Variants in PTPA observed in about 807,000 individuals in gnomAD.
The protein encoded by PTPA is protein phosphatase 2 phosphatase activator.
In PTPA, 13 loss-of-function variants were observed where a neutral mutation model predicts 43.6. The ratio of observed to expected loss-of-function variants is 0.30; its 90% CI spans 0.19 to 0.47. The LOEUF (loss-of-function observed/expected upper bound fraction) is 0.47, where lower values mean the gene tolerates loss of function less well. PTPA is among the 20% of genes least tolerant of loss of function. PTPA has a pLI of 0.99. For missense variants in PTPA, 329 were observed against 411.9 expected (o/e 0.80, Z 1.74); for synonymous variants, 172 against 158.2 (o/e 1.09, Z -0.66).
In PTPA at chr9:129,147,884, G is replaced by A. The variant is rs371991766; in HGVS notation, c.*420G>A. ...TTCCTGGAGTCGATGCCTTTCTAAGGGTTGGAGCTGCTCCTTGCAGGGGCG... is the reference window on the plus strand; with the variant it reads ...TTCCTGGAGTCGATGCCTTTCTAAGAGTTGGAGCTGCTCCTTGCAGGGGCG... On this transcript the variant is annotated 3_prime_UTR_variant, in exon 10 of 10. Transcript: ENST00000393370. The A allele has an allele frequency of 1.4e-4, 25 of 183,062 alleles. No homozygotes were observed. Among genetic ancestry groups the A allele is most frequent in the African/African-American group, 5.7e-4 (24 of 42,114 alleles). 11.3% of individuals were successfully genotyped at this position (183,062 alleles called of 1,614,324 possible).
intron 9 of PTPA, among the ~76,000 whole-genome samples, chr9:129,147,106 C>T (rs1446989970): frequency 6.6e-6 from 1 of 152,168 alleles, no homozygotes; most frequent in Non-Finnish European, 1.5e-5. Context: ...CCCAACTTCC[C>T]TCTCTGGGCC....
At chr9:129,145,469 C>G (rs1001057520) in intron 9 of PTPA, among the ~76,000 whole-genome samples, 2 of 152,330 alleles carry the variant, frequency 1.3e-5, no homozygotes, top group African/African-American at 4.8e-5. Context: ...AAGGAGAGGG[C>G]TTGTTTTCTC....
At chr9:129,111,270 G>T, upstream of PTPA, 1 of 1,195,592 alleles carries the variant, frequency 8.4e-7, no homozygotes, top group Non-Finnish European at 1.0e-6. Context: ...GGCGCCCGAC[G>T]TTCGGGCGGC....
intron 8 of PTPA, among the ~76,000 whole-genome samples, chr9:129,140,746 C>T (rs1850738978): frequency 1.4e-5 from 2 of 138,800 alleles, no homozygotes; most frequent in Admixed American, 7.4e-5. Context: ...CTTTCCTGGG[C>T]CTGGAAGTGT....
At chr9:129,131,410 A>C in intron 4 of PTPA, 112 bp from the exon 5 acceptor site, 1 of 868,914 alleles carries the variant, frequency 1.2e-6, no homozygotes, top group South Asian at 1.5e-5. Flanking sequence ...ACAGGAACCA[A>C]GCTGGCCTGG....
At chr9:129,142,618 C>T (rs1850963007) in intron 9 of PTPA, 66 bp downstream of exon 9, 1 of 1,598,984 alleles carries the variant, frequency 6.3e-7, no homozygotes. Flanking sequence ...GGGGACAAAG[C>T]AAAAGATGTG....
At chr9:129,135,196 C>A (rs7030543) in intron 6 of PTPA, among the ~76,000 whole-genome samples, 1 of 152,068 alleles carries the variant, frequency 6.6e-6, no homozygotes, top group African/African-American at 2.4e-5. Context: ...TGTTCGACAC[C>A]AGCCTGGCCA....
intron 5 of PTPA, among the ~76,000 whole-genome samples, chr9:129,133,454 A>C (rs925859492): frequency 6.6e-6 from 1 of 152,148 alleles, no homozygotes; most frequent in Non-Finnish European, 1.5e-5. Context: ...AAGGAAACTG[A>C]GCTCACAAGC....
At position 129,116,394 on chromosome 9, in the gene PTPA, T is replaced by TC. The variant is rs1474526036; in HGVS notation, c.32-4119_32-4118insC. Among the ~76,000 whole-genome samples the TC allele has an allele frequency of 2.8e-3, 389 of 140,274 alleles. 6 individuals are homozygous for TC. Among genetic ancestry groups the TC allele is most frequent in the African/African-American group, 0.01 (368 of 36,748 alleles). 92.0% of individuals were successfully genotyped at this position (140,274 alleles called of 152,430 possible). A position where few individuals can be genotyped will look rare whatever the true frequency, so the allele number is the denominator to read the frequency against. ...GTAGAGACAGGGTTTCTTTTTTTTT[T>TC]TTTTTTTTTTGAGACGGAGTCTCGC... On this transcript the variant is annotated intron_variant, in intron 1 of 9. Transcript: ENST00000393370.
intron 8 of PTPA, among the ~76,000 whole-genome samples, chr9:129,138,578 A>T (rs7870913): frequency 6.6e-6 from 1 of 152,062 alleles, no homozygotes; most frequent in African/African-American, 2.4e-5. Flanking sequence ...AGGGTTTGAG[A>T]GTTCTATCCC....
chr9:129,125,261 T>G (rs1438278775), intron 3 of PTPA, among the ~76,000 whole-genome samples: 1 of 151,342 alleles, frequency 6.6e-6, no homozygotes, highest in African/African-American at 2.4e-5. Flanking sequence ...AAGCAGGTAT[T>G]GTCTTTTTTT....
intron 9 of PTPA, among the ~76,000 whole-genome samples, chr9:129,143,869 G>A (rs1851091894): frequency 6.6e-6 from 1 of 151,724 alleles, no homozygotes; most frequent in Admixed American, 6.6e-5. Context: ...ACCCCCGCCT[G>A]TCCCACAGTG....
At chr9:129,126,263 G>A (rs943428346) in intron 3 of PTPA, among the ~76,000 whole-genome samples, 4 of 151,280 alleles carry the variant, frequency 2.6e-5, no homozygotes, top group Admixed American at 6.6e-5. Flanking sequence ...GTACGATCTC[G>A]GCTCACCACA....
chr9:129,140,254 C>G (rs192341757), intron 8 of PTPA: 1 of 152,792 alleles, frequency 6.5e-6, no homozygotes, highest in East Asian at 1.9e-4. Context: ...TTCTCTTCTC[C>G]CTTTGTGGCT....
chr9:129,147,834 A>G lies in PTPA; in HGVS notation c.*370A>G. 1 of 234,660 alleles carries G rather than the reference A, an allele frequency of 4.3e-6. No individual in the cohort carries two copies. The highest frequency in any genetic ancestry group is 5.4e-5 in the South Asian group (1 of 18,480). 14.5% of individuals were successfully genotyped at this position (234,660 alleles called of 1,614,324 possible). A position where few individuals can be genotyped will look rare whatever the true frequency, so the allele number is the denominator to read the frequency against. On this transcript the variant is annotated 3_prime_UTR_variant, in exon 10 of 10. Coordinates refer to ENST00000393370, the MANE Select transcript of PTPA (RefSeq NM_178000.3). The stretch of plus-strand genomic sequence containing the variant: ...GCACCGCAGGGAAGGGAGGAGAGAT[A>G]CCTGCTGCTTCCATTGCTTTTCCCT...
At position 129,148,486 on chromosome 9, in the gene PTPA, C is replaced by T. The variant is rs1044046384; in HGVS notation, c.*1022C>T. 2.0e-5 allele frequency: 3 copies of T among 152,398 alleles called. No individual in the cohort carries two copies. Among genetic ancestry groups the T allele is most frequent in the African/African-American group, 7.2e-5 (3 of 41,464 alleles). 9.4% of individuals were successfully genotyped at this position (152,398 alleles called of 1,614,324 possible). On this transcript the variant is annotated 3_prime_UTR_variant, in exon 10 of 10. Coordinates refer to ENST00000393370, the MANE Select transcript of PTPA (RefSeq NM_178000.3). ...GGCAGTCCCACACCTTGTCCTCCCA[C>T]CTCCCTGAACTGTCCATTGCTTTTA...
chr9:129,123,006 G>A (rs1849351021), intron 2 of PTPA, 46 bp from the exon 3 acceptor site: 3 of 1,473,196 alleles, frequency 2.0e-6, no homozygotes, highest in African/African-American at 1.4e-5. Flanking sequence ...GGGCGGGGGG[G>A]TCTGCCACCC....
intron 1 of PTPA, among the ~76,000 whole-genome samples, chr9:129,112,622 A>G (rs546385639): frequency 3.3e-5 from 5 of 152,126 alleles, no homozygotes; most frequent in Non-Finnish European, 5.9e-5. Context: ...ATTTTGTACA[A>G]AACCTCTGGG....
Position 129,129,057 on chromosome 9 carries a change from C to A in PTPA, c.289C>A (p.Pro97Thr). 1.2e-6 allele frequency: 2 copies of A among 1,612,752 alleles called. No individual in the cohort carries two copies. The highest frequency in any genetic ancestry group is 1.7e-6 in the Non-Finnish European group (2 of 1,179,996). Residue 97 changes from proline (P) to threonine (T), a missense_variant, in exon 4 of 10, where the codon CCC (proline) becomes ACC (threonine). Transcript: ENST00000393370. ...TGATGAGACTCCTCCAGTGGACCAG[C>A]CCTCTCGGTTTGGGAATAAGGCATA... ...WIDETPPVDQ[P>T]SRFGNKAYRT... is the part of the protein sequence containing the mutation.
Sources: allele counts gnomAD v4.1 joint callset (sites outside exome capture counted in the v4.1 genomes callset), GRCh38; gene constraint gnomAD v4.1.1; transcripts MANE v1.5; gene names NCBI Gene and HGNC (gene_info 2026-07-23, HGNC 2026-07-21).